IRF9: variants seen among roughly 807,000 people sequenced by gnomAD.
IRF9 encodes the protein IFN-alpha-responsive transcription factor subunit.
Under a neutral mutation model 44.1 loss-of-function variants are expected in IRF9, and 13 were observed. The observed-to-expected ratio is 0.29, with a 90% CI of 0.19 to 0.47. The LOEUF (loss-of-function observed/expected upper bound fraction) is 0.47. Ranked by LOEUF, IRF9 falls within the 20% of genes least tolerant of loss-of-function variation. IRF9 has a pLI of 1.00. For missense variants in IRF9, 373 were observed against 496.1 expected, an observed-to-expected ratio of 0.75 and a Z score of 2.36; for synonymous variants, 189 against 188.5, an observed-to-expected ratio of 1.00 and a Z score of -0.02.
rs373179630 is a variant in IRF9, at chr14:24,163,142, C to T, written c.357C>T (p.Ile119=). The change falls in exon 3 of 9, where the codon ATC becomes ATT. Residue 119 remains isoleucine, a synonymous_variant. Transcript: ENST00000396864. ...TGTATCAGTTGCTGCCACCAGGAAT[C>T]GTCTCTGGTGAGTTTCCCCTTGTCC... The part of the protein sequence containing the change: ...YKVYQLLPPG[I]VSGQPGTQKV... 26 of 1,613,606 alleles carry T rather than the reference C, an allele frequency of 1.6e-5. No individual in the cohort carries two copies. Among genetic ancestry groups the T allele is most frequent in the African/African-American group, 5.3e-5 (4 of 74,914 alleles).
At chr14:24,162,397 G>A (rs1411719767) in intron 2 of IRF9, 73 bp downstream of exon 2, 6 of 1,438,662 alleles carry the variant, frequency 4.2e-6, no homozygotes, top group Non-Finnish European at 5.7e-6. Flanking sequence ...TCATCCTCGA[G>A]CACTTGCGTC....
chr14:24,163,907 C>T lies in IRF9; in HGVS notation c.525C>T (p.Val175=). The stretch of plus-strand genomic sequence containing the variant: ...AGGAGGGGGCCAGTGGGGGAGCAGT[C>T]CATTCAGACATTGGGAGCAGCAGCA... ...NEEEGASGGA[V]HSDIGSSSSS... Residue 175 remains valine, a synonymous_variant, in exon 5 of 9, where the codon GTC becomes GTT. Transcript: ENST00000396864. 1 of 1,600,534 alleles carries T rather than the reference C, an allele frequency of 6.2e-7. No individual in the cohort carries two copies. The highest frequency in any genetic ancestry group is 8.5e-7 in the Non-Finnish European group (1 of 1,176,634).
Position 24,162,262 on chromosome 14 carries a change from A to G in IRF9, c.118A>G (p.Ile40Val), listed in dbSNP as rs2038467500. The G allele has an allele frequency of 1.2e-6, 2 of 1,614,042 alleles. No homozygotes were observed. The highest frequency in any genetic ancestry group is 1.7e-6 in the Non-Finnish European group (2 of 1,180,044). Reference sequence around the variant, plus strand: ...TGATACAGCTAAGACCATGTTCCGGATTCCCTGGAAACATGCAGGCAAGCA... The same window carrying G: ...TGATACAGCTAAGACCATGTTCCGGGTTCCCTGGAAACATGCAGGCAAGCA... The part of the protein sequence containing the change: ...WDDTAKTMFR[I>V]PWKHAGKQDF... Residue 40 changes from isoleucine to valine, a missense_variant, in exon 2 of 9, where the codon ATT (isoleucine) becomes GTT (valine). By Grantham distance (29) the Ile-to-Val change is conservative. Coordinates refer to ENST00000396864, the MANE Select transcript of IRF9 (RefSeq NM_006084.5).
rs1164272870 is a variant in IRF9, at chr14:24,166,167, C to G, written c.1153C>G (p.Gln385Glu). 1.4e-5 allele frequency: 23 copies of G among 1,614,148 alleles called. No homozygotes were observed. The highest frequency in any genetic ancestry group is 1.6e-4 in the Middle Eastern group (1 of 6,062). Residue 385 changes from glutamine (Q) to glutamate (E), a missense_variant, in exon 9 of 9, where the codon CAG (glutamine) becomes GAG (glutamate). By Grantham distance (29) the Gln-to-Glu change is conservative. Around this residue, in one of 2 missense-constraint regions of IRF9, gnomAD observed 146 missense variants for 240.8 expected, o/e 0.61. Transcript: ENST00000396864. ...ATACTTGCTGGAGCAGACTCCAGAGCAGCAGGCAGCCATTCTGTCCCTGGT... is the reference window on the plus strand; with the variant it reads ...ATACTTGCTGGAGCAGACTCCAGAGGAGCAGGCAGCCATTCTGTCCCTGGT... The part of the protein sequence containing the change: ...ARYLLEQTPE[Q>E]QAAILSLV
Position 24,164,977 on chromosome 14 carries a change from A to G in IRF9, c.991+22A>G. On this transcript the variant is annotated intron_variant, in intron 7 of 8. Transcript: ENST00000396864. The surrounding 1 kb of genome is among the most constrained non-coding windows in gnomAD (Gnocchi z 5.2). ...AGAGGTGAGGCTGTTCTCTCTGGGC[A>G]CATGAGCTTCCACCCCCTACCTCTT... 2 of 1,608,032 alleles carry G rather than the reference A, an allele frequency of 1.2e-6. No homozygotes were observed. The highest frequency in any genetic ancestry group is 1.7e-6 in the Non-Finnish European group (2 of 1,176,326).
chr14:24,166,534 G>A lies in IRF9; in HGVS notation c.*338G>A. Reference sequence around the variant, plus strand: ...TATTTTCCTCTTAGATATTCACTAAGGACTTAAAATAAAATTTTATTGAAA... The same window carrying A: ...TATTTTCCTCTTAGATATTCACTAAAGACTTAAAATAAAATTTTATTGAAA... On this transcript the variant is annotated 3_prime_UTR_variant, in exon 9 of 9. Transcript: ENST00000396864. 2 of 405,538 alleles carry A rather than the reference G, an allele frequency of 4.9e-6. No homozygotes were observed. The highest frequency in any genetic ancestry group is 7.1e-5 in the South Asian group (1 of 14,036). The allele number at this position is 405,538 out of a possible 1,614,324, so 25.1% of individuals were successfully genotyped here.
At chr14:24,162,078 G>T in intron 1 of IRF9, 66 bp from the exon 2 acceptor site, 1 of 1,480,022 alleles carries the variant, frequency 6.8e-7, no homozygotes. Context: ...TCAATGGCCA[G>T]GGTCTCAGGA....
rs774042114 is a variant in IRF9, at chr14:24,163,494, G to A, written c.481G>A (p.Asp161Asn). The A allele has an allele frequency of 1.2e-6, 2 of 1,614,146 alleles. No homozygotes were observed. The highest frequency in any genetic ancestry group is 1.7e-6 in the Non-Finnish European group (2 of 1,179,996). ...NCTLSPSVLQ[D>N]SLNNEEEGAS... ...CACACTCAGTCCCTCTGTGCTCCAGGACTCCCTCAATAATGTAAGAGATGG... is the reference window on the plus strand; with the variant it reads ...CACACTCAGTCCCTCTGTGCTCCAGAACTCCCTCAATAATGTAAGAGATGG... Residue 161 changes from aspartate (D) to asparagine (N), a missense_variant, in exon 4 of 9, where the codon GAC becomes AAC. Asp to Asn is a conservative substitution (Grantham distance 23). This residue lies in a region of IRF9 where 227 missense variants were observed against 255.3 expected (regional missense o/e 0.89). Transcript: ENST00000396864.
At chr14:24,163,588 G>A in intron 4 of IRF9, 80 bp downstream of exon 4, 18 of 1,519,414 alleles carry the variant, frequency 1.2e-5, no homozygotes, top group Non-Finnish European at 1.6e-5. Context: ...GAAAGACACT[G>A]TGTCTTGGGA....
intron 2 of IRF9, chr14:24,162,693 G>A (rs879446075): frequency 1.3e-5 from 6 of 451,028 alleles, no homozygotes; most frequent in Middle Eastern, 1.2e-3. Context: ...CCAGCTACTC[G>A]GGAGACTGAG....
intron 1 of IRF9, 58 bp from the exon 2 acceptor site, chr14:24,162,086 G>T (rs1290316279): frequency 9.1e-6 from 14 of 1,536,664 alleles, no homozygotes; most frequent in African/African-American, 1.4e-5. Flanking sequence ...CAGGGTCTCA[G>T]GAGATGTTCC....
chr14:24,164,957 T>A lies in IRF9; in HGVS notation c.991+2T>A. The stretch of plus-strand genomic sequence containing the variant: ...TCAGAACCGCCTACTTCTGCAGAGG[T>A]GAGGCTGTTCTCTCTGGGCACATGA... On this transcript the variant is annotated splice_donor_variant, in intron 7 of 8. Coordinates refer to ENST00000396864, the MANE Select transcript of IRF9 (RefSeq NM_006084.5). LOFTEE classifies it high-confidence loss of function. This position sits in a 1 kb window ranked among gnomAD's most constrained non-coding sequence, Gnocchi z 5.2. 6.2e-7 allele frequency: 1 copy of A among 1,610,262 alleles called. No homozygotes were observed. The highest frequency in any genetic ancestry group is 8.5e-7 in the Non-Finnish European group (1 of 1,177,788).
rs754589489 is a variant in IRF9 at position 24,166,300 on chromosome 14, C to T, written c.*104C>T. 1.0e-6 allele frequency: 1 copy of T among 1,002,202 alleles called. No individual in the cohort carries two copies. Among genetic ancestry groups the T allele is most frequent in the South Asian group, 1.3e-5 (1 of 74,178 alleles). The allele number at this position is 1,002,202 out of a possible 1,614,324, so 62.1% of individuals were successfully genotyped here. The stretch of plus-strand genomic sequence containing the variant: ...GACCTGTCCTCTTTGTGATAATTCT[C>T]AGTAGTTGTCCGTGATAATCGTGTC... On this transcript the variant is annotated 3_prime_UTR_variant, in exon 9 of 9. Transcript: ENST00000396864.
intron 7 of IRF9, chr14:24,165,406 C>T: frequency 3.4e-6 from 2 of 592,786 alleles, no homozygotes; most frequent in Non-Finnish European, 6.0e-6. Flanking sequence ...CGCTTCTCTC[C>T]CATCCAATTC....
chr14:24,165,120 A>G (rs2038507644), intron 7 of IRF9, 165 bp downstream of exon 7: 1 of 753,382 alleles, frequency 1.3e-6, no homozygotes, highest in Non-Finnish European at 2.3e-6. Flanking sequence ...GTGTGGCCAT[A>G]TGCCCAGCCT....
rs1191382355 is a variant in IRF9 at position 24,165,980 on chromosome 14, G to T, written c.1107+18G>T. On this transcript the variant is annotated intron_variant, in intron 8 of 8. Transcript: ENST00000396864. The stretch of plus-strand genomic sequence containing the variant: ...CAGTGAAGGTGAGCTCGGAGCAGGG[G>T]TAGAGTACCCATCTAATGAGAGCAG... 1.7e-5 allele frequency: 28 copies of T among 1,605,086 alleles called. No individual in the cohort carries two copies. The highest frequency in any genetic ancestry group is 2.4e-5 in the Non-Finnish European group (28 of 1,172,136).
chr14:24,165,956 A>C lies in IRF9; in HGVS notation c.1101A>C (p.Thr367=), dbSNP rs372986858. The C allele has an allele frequency of 9.9e-6, 16 of 1,612,946 alleles. No homozygotes were observed. Among genetic ancestry groups the C allele is most frequent in the East Asian group, 6.7e-5 (3 of 44,886 alleles). ...GCCATACTCCACAGAATCTTATCAC[A>C]GTGAAGGTGAGCTCGGAGCAGGGGT... ...GSSHTPQNLI[T]VKMEQAFARY... is the part of the protein sequence containing the mutation. The change falls in exon 8 of 9, where the codon ACA becomes ACC. Residue 367 remains threonine, a synonymous_variant. Coordinates refer to ENST00000396864, the MANE Select transcript of IRF9 (RefSeq NM_006084.5).
chr14:24,163,646 C>T (rs1183791085), intron 4 of IRF9, 138 bp downstream of exon 4: 8 of 1,040,912 alleles, frequency 7.7e-6, no homozygotes, highest in African/African-American at 1.6e-5. Context: ...AAACCAGCCT[C>T]GACCAACATG....
intron 4 of IRF9, 84 bp downstream of exon 4, chr14:24,163,592 C>A: frequency 6.7e-7 from 1 of 1,491,048 alleles, no homozygotes; most frequent in Non-Finnish European, 9.1e-7. Context: ...GACACTGTGT[C>A]TTGGGAGGCC....
Sources: gnomAD v4.1 joint callset for allele counts on GRCh38, gnomAD v4.1.1 for gene constraint, gnomAD v4.1.1 regional missense constraint, Gnocchi (gnomAD v3.1) non-coding constraint, MANE v1.5 for transcripts, NCBI Gene and HGNC (gene_info 2026-07-23, HGNC 2026-07-21) for gene names.